Variants in SPOCK3 observed in about 807,000 individuals in gnomAD.
SPOCK3 encodes SPARC (osteonectin), cwcv and kazal like domains proteoglycan 3.
SPOCK3 carries 30 observed loss-of-function variants against 56.6 expected under a neutral mutation model. The observed-to-expected ratio is 0.53, with a 90% confidence interval of 0.40 to 0.72. The LOEUF (loss-of-function observed/expected upper bound fraction) is 0.72. SPOCK3 is among the 30% of genes least tolerant of loss of function. The pLI is 0.00. For missense variants in SPOCK3, 527 were observed against 530.0 expected, an observed-to-expected ratio of 0.99 and a Z score of 0.06; for synonymous variants, 196 against 183.3, an observed-to-expected ratio of 1.07 and a Z score of -0.56.
intron 6 of SPOCK3, among the ~76,000 whole-genome samples, chr4:166,833,593 G>A (rs1170917082): frequency 1.3e-5 from 2 of 152,160 alleles, no homozygotes; most frequent in African/African-American, 2.4e-5. Flanking sequence ...TGGATTTAAA[G>A]CTACCATGTG....
chr4:167,048,556 C>A (rs1753921493), intron 3 of SPOCK3, among the ~76,000 whole-genome samples: 1 of 152,108 alleles, frequency 6.6e-6, no homozygotes, highest in South Asian at 2.1e-4. Flanking sequence ...CCTTCCATAA[C>A]AAATGCCTTA....
chr4:167,175,402 T>C (rs2150477351), intron 2 of SPOCK3, among the ~76,000 whole-genome samples: 1 of 152,264 alleles, frequency 6.6e-6, no homozygotes, highest in Non-Finnish European at 1.5e-5. Flanking sequence ...AATATAGTCA[T>C]TGCTCTAAAA....
At chr4:167,234,400 C>G (rs1737520321) in intron 1 of SPOCK3, 50 bp downstream of exon 1, 2 of 584,652 alleles carry the variant, frequency 3.4e-6, no homozygotes, top group Non-Finnish European at 6.1e-6. Context: ...GGAAGCAAGC[C>G]CCAGCCGCAG....
At chr4:167,012,283 G>A (rs1363441664) in intron 3 of SPOCK3, among the ~76,000 whole-genome samples, 1 of 151,768 alleles carries the variant, frequency 6.6e-6, no homozygotes, top group Non-Finnish European at 1.5e-5. Context: ...ATATGCAAAC[G>A]TGTAACTTTC....
At chr4:166,928,299 A>G (rs979510332) in intron 4 of SPOCK3, among the ~76,000 whole-genome samples, 2 of 152,248 alleles carry the variant, frequency 1.3e-5, no homozygotes, top group Non-Finnish European at 2.9e-5. Context: ...AGCTTTATTC[A>G]TAATTCCAAA....
intron 2 of SPOCK3, among the ~76,000 whole-genome samples, chr4:167,215,607 T>C (rs1328904043): frequency 6.6e-6 from 1 of 152,098 alleles, no homozygotes; most frequent in Non-Finnish European, 1.5e-5. Context: ...GATACCTGAT[T>C]TGTGTGAAGA....
intron 2 of SPOCK3, among the ~76,000 whole-genome samples, chr4:167,209,438 C>T (rs1008472044): frequency 1.3e-5 from 2 of 152,024 alleles, no homozygotes; most frequent in South Asian, 2.1e-4. Context: ...TTTCACAATG[C>T]TAACACTGAA....
chr4:167,054,563 A>G (rs572890732), intron 3 of SPOCK3, among the ~76,000 whole-genome samples: 1 of 152,196 alleles, frequency 6.6e-6, no homozygotes, highest in Non-Finnish European at 1.5e-5. Flanking sequence ...TCACAGAAAA[A>G]TCAGTGTGGA....
chr4:167,081,031 A>G (rs540247942), intron 2 of SPOCK3, among the ~76,000 whole-genome samples: 1 of 151,496 alleles, frequency 6.6e-6, no homozygotes, highest in South Asian at 2.1e-4. Context: ...CAGATGTCCT[A>G]TATTCTTGAT....
At chr4:166,859,102 A>T (rs927868951) in intron 6 of SPOCK3, among the ~76,000 whole-genome samples, 32 of 152,332 alleles carry the variant, frequency 2.1e-4, no homozygotes, top group Admixed American at 9.2e-4. Context: ...TGTCTACAGT[A>T]TTCAGTGCAG....
intron 2 of SPOCK3, among the ~76,000 whole-genome samples, chr4:167,065,214 G>A (rs2150252941): frequency 6.6e-6 from 1 of 151,716 alleles, no homozygotes; most frequent in East Asian, 2.0e-4. Flanking sequence ...ATTGTTAATA[G>A]TGAGTCCATT....
chr4:166,984,324 T>A (rs549331169), intron 4 of SPOCK3, among the ~76,000 whole-genome samples: 188 of 152,182 alleles, frequency 1.2e-3, no homozygotes, highest in African/African-American at 4.3e-3. Flanking sequence ...AATTAGGATA[T>A]AAAACATCGA....
intron 7 of SPOCK3, among the ~76,000 whole-genome samples, chr4:166,781,912 T>C (rs1193164447): frequency 6.6e-6 from 1 of 152,138 alleles, no homozygotes; most frequent in Non-Finnish European, 1.5e-5. Context: ...CTCAACCCAG[T>C]ATACTTTACC....
intron 6 of SPOCK3, among the ~76,000 whole-genome samples, chr4:166,881,016 C>T (rs917981071): frequency 1.3e-5 from 2 of 151,986 alleles, no homozygotes; most frequent in African/African-American, 4.8e-5. Flanking sequence ...TATTCATAGA[C>T]CTTTGTAATA....
chr4:167,161,117 T>C (rs570541600), intron 2 of SPOCK3, among the ~76,000 whole-genome samples: 47 of 152,180 alleles, frequency 3.1e-4, no homozygotes, highest in African/African-American at 1.1e-3. Context: ...ACCTACAGAA[T>C]GGGAGATAAT....
At chr4:166,746,801 T>C (rs1468014821) in intron 8 of SPOCK3, among the ~76,000 whole-genome samples, 3 of 151,860 alleles carry the variant, frequency 2.0e-5, no homozygotes, top group Non-Finnish European at 4.4e-5. Flanking sequence ...ATAAAGGAGA[T>C]ATCACCACCG....
intron 5 of SPOCK3, among the ~76,000 whole-genome samples, chr4:166,909,627 C>T (rs1028134782): frequency 6.6e-6 from 1 of 152,094 alleles, no homozygotes; most frequent in Non-Finnish European, 1.5e-5. Context: ...TAGGGCCCCA[C>T]ATCCAAGACT....
intron 2 of SPOCK3, among the ~76,000 whole-genome samples, chr4:167,077,574 A>G (rs1757312378): frequency 6.6e-6 from 1 of 151,964 alleles, no homozygotes; most frequent in Non-Finnish European, 1.5e-5. Flanking sequence ...CATCTAAGAC[A>G]TAAAATTCTG....
intron 6 of SPOCK3, among the ~76,000 whole-genome samples, chr4:166,880,339 T>C (rs2126977863): frequency 6.6e-6 from 1 of 152,306 alleles, no homozygotes; most frequent in South Asian, 2.1e-4. Flanking sequence ...TTCTCTCCTG[T>C]TTCTCCTTAA....
Sources: gnomAD v4.1 joint callset for allele counts (sites outside exome capture counted in the v4.1 genomes callset) on GRCh38, gnomAD v4.1.1 for gene constraint, MANE v1.5 for transcripts, NCBI Gene and HGNC (gene_info 2026-07-23, HGNC 2026-07-21) for gene names.